Variants in SIAH2 observed in about 807,000 individuals in gnomAD.
SIAH2 encodes E3 ubiquitin-protein ligase SIAH2.
Under a neutral mutation model 20.4 loss-of-function variants are expected in SIAH2, and 4 were observed. The ratio of observed to expected loss-of-function variants is 0.20; its 90% CI spans 0.10 to 0.45. SIAH2 has a LOEUF of 0.45. SIAH2 is among the 20% of genes least tolerant of loss of function. SIAH2 has a pLI of 0.99. For missense variants in SIAH2, 259 were observed against 440.3 expected (o/e 0.59, Z 3.69); for synonymous variants, 171 against 192.5 (o/e 0.89, Z 0.93).
rs531425393 is a variant in SIAH2, at chr3:150,762,992, C to T, written c.-143G>A. On this transcript the variant is annotated 5_prime_UTR_variant, in exon 1 of 2. Transcript: ENST00000312960. The surrounding 1 kb of genome is among the most constrained non-coding windows in gnomAD (Gnocchi z 6.6). ...AGGTCCGGGCGGCGGAGACGCTCGG[C>T]GCCCGGCAGGCGGAGGGCTGGACCG... The T allele has an allele frequency of 3.7e-4, 356 of 962,344 alleles. 2 individuals carry two copies. In the African/African-American group the frequency reaches 5.8e-3, roughly 16 times the overall value. The allele number at this position is 962,344 out of a possible 1,614,324, so 59.6% of individuals were successfully genotyped here.
At chr3:150,757,601 A>T (rs750132143) in intron 1 of SIAH2, among the ~76,000 whole-genome samples, 1 of 152,006 alleles carries the variant, frequency 6.6e-6, no homozygotes, top group Non-Finnish European at 1.5e-5. Context: ...TGGCCTGGAG[A>T]CGTGGTGGTT....
At chr3:150,745,268 CACACACACA>C (rs2108117303) in intron 1 of SIAH2, among the ~76,000 whole-genome samples, 2 of 151,744 alleles carry the variant, frequency 1.3e-5, no homozygotes, top group African/African-American at 4.8e-5. Flanking sequence ...CACACACACA[CACACACACA>C]CCCCACATTT....
intron 1 of SIAH2, among the ~76,000 whole-genome samples, chr3:150,744,570 C>G (rs945917862): frequency 1.8e-4 from 27 of 152,056 alleles, no homozygotes; most frequent in African/African-American, 6.3e-4. Context: ...GAATACAGAG[C>G]CTCCTCATGT....
In SIAH2 at chr3:150,762,575, A is replaced by C. The variant is rs1714644165; in HGVS notation, c.275T>G (p.Leu92Arg). ...VCFDYVLPPILQCQAGHLVCN... is the reference protein window; with the variant it reads ...VCFDYVLPPIRQCQAGHLVCN... ...CACCAGGTGCCCGGCCTGGCACTGC[A>C]GAATAGGAGGCAGGACATAGTCAAA... The change falls in exon 1 of 2, where the codon CTG (leucine) becomes CGG (arginine). Residue 92 changes from leucine to arginine, a missense_variant. By Grantham distance (102) the Leu-to-Arg change is moderately radical. Transcript: ENST00000312960. This position sits in a 1 kb window ranked among gnomAD's most constrained non-coding sequence, Gnocchi z 6.6. The C allele has an allele frequency of 6.2e-7, 1 of 1,613,328 alleles. No individual in the cohort carries two copies. The highest frequency in any genetic ancestry group is 1.7e-5 in the Admixed American group (1 of 60,000).
chr3:150,751,159 C>T (rs570276443), intron 1 of SIAH2, among the ~76,000 whole-genome samples: 9 of 152,262 alleles, frequency 5.9e-5, no homozygotes, highest in South Asian at 2.1e-4. Context: ...AGGCCTGACA[C>T]GGTGGCTCAT....
intron 1 of SIAH2, among the ~76,000 whole-genome samples, chr3:150,751,448 A>G (rs1399777198): frequency 6.6e-6 from 1 of 152,070 alleles, no homozygotes; most frequent in Non-Finnish European, 1.5e-5. Context: ...AGAGAGAGAT[A>G]TCATCAACCA....
At chr3:150,755,896 C>T (rs1385293071) in intron 1 of SIAH2, among the ~76,000 whole-genome samples, 2 of 152,136 alleles carry the variant, frequency 1.3e-5, no homozygotes, top group African/African-American at 2.4e-5. Flanking sequence ...ATGATCTGCC[C>T]TCCTCAGCCT....
chr3:150,761,675 G>A (rs1444445505), intron 1 of SIAH2, among the ~76,000 whole-genome samples: 1 of 152,030 alleles, frequency 6.6e-6, no homozygotes, highest in African/African-American at 2.4e-5. Flanking sequence ...TTCTTGTCTT[G>A]GTGGCTTGCA....
rs1714642007 is a variant in SIAH2 at position 150,762,507 on chromosome 3, T to C, written c.343A>G (p.Arg115Gly). 2 of 1,613,518 alleles carry C rather than the reference T, an allele frequency of 1.2e-6. No homozygotes were observed. Among genetic ancestry groups the C allele is most frequent in the African/African-American group, 2.7e-5 (2 of 74,912 alleles). Residue 115 changes from arginine to glycine, a missense_variant, in exon 1 of 2, where the codon AGG (arginine) becomes GGG (glycine). Arg to Gly is a moderately radical substitution (Grantham distance 125). This residue lies in a region of SIAH2 where 160 missense variants were observed against 327.6 expected (regional missense o/e 0.49). Transcript: ENST00000312960. This position sits in a 1 kb window ranked among gnomAD's most constrained non-coding sequence, Gnocchi z 6.6. The stretch of plus-strand genomic sequence containing the variant: ...CTGATGCTGGGCGTCAGGGCGCCCC[T>C]GCACGTCGGGCAGCAGCTCAACTTC... Reference protein sequence around the residue: ...RQKLSCCPTCRGALTPSIRNL... With the variant: ...RQKLSCCPTCGGALTPSIRNL...
Position 150,742,243 on chromosome 3 carries a change from G to T in SIAH2, c.873C>A (p.Ile291=). 1 of 1,614,178 alleles carries T rather than the reference G, an allele frequency of 6.2e-7. No homozygotes were observed. Among genetic ancestry groups the T allele is most frequent in the Non-Finnish European group, 8.5e-7 (1 of 1,180,042 alleles). Residue 291 remains isoleucine (I), a synonymous_variant, in exon 2 of 2, where the codon ATC becomes ATA. Coordinates refer to ENST00000312960, the MANE Select transcript of SIAH2 (RefSeq NM_005067.7). The surrounding 1 kb of genome is among the most constrained non-coding windows in gnomAD (Gnocchi z 4.8). ...CGAAAACAAGGCAGTCGCTGTTCAT[G>T]ATGGCCGCAGCCACACCGTCATGAA... is the stretch of plus-strand genomic sequence containing the variant. ...RSIHDGVAAA[I]MNSDCLVFDT...
rs915627001 is a variant in SIAH2 at position 150,760,578 on chromosome 3, C to T, written c.417+1855G>A. 1.3e-5 allele frequency among the ~76,000 whole-genome samples: 2 copies of T among 152,228 alleles called. 1 individual carries two copies. The highest frequency in any genetic ancestry group is 1.3e-4 in the Admixed American group (2 of 15,284). On this transcript the variant is annotated intron_variant, in intron 1 of 1. Transcript: ENST00000312960. ...CTCCATATAGCATAACTGTTTCCTTCCCTTTCTCTTGGGAACAACACAATT... is the reference window on the plus strand; with the variant it reads ...CTCCATATAGCATAACTGTTTCCTTTCCTTTCTCTTGGGAACAACACAATT...
rs576872001 is a variant in SIAH2, at chr3:150,757,684, T to TA, written c.417+4748dup. On this transcript the variant is annotated intron_variant, in intron 1 of 1. Coordinates refer to ENST00000312960, the MANE Select transcript of SIAH2 (RefSeq NM_005067.7). Reference sequence around the variant, plus strand: ...AGAAAAAAAATCGAGATATTTAACATAAAAAAAAAATCCAGGCTGGGCACG... The same window carrying TA: ...AGAAAAAAAATCGAGATATTTAACATAAAAAAAAAAATCCAGGCTGGGCACG... Among the ~76,000 whole-genome samples the TA allele has an allele frequency of 1.8e-4, 26 of 148,102 alleles. No individual in the cohort carries two copies. The East Asian group carries it at 1.8e-3, about 10-fold the overall frequency.
At chr3:150,752,628 T>A (rs1326786349) in intron 1 of SIAH2, among the ~76,000 whole-genome samples, 1 of 151,932 alleles carries the variant, frequency 6.6e-6, no homozygotes, top group Non-Finnish European at 1.5e-5. Context: ...AAAAAAAAAT[T>A]ATCAAATAAA....
intron 1 of SIAH2, among the ~76,000 whole-genome samples, chr3:150,747,383 G>A (rs1175943294): frequency 6.6e-6 from 1 of 152,222 alleles, no homozygotes; most frequent in African/African-American, 2.4e-5. Flanking sequence ...CCCACAAAAT[G>A]TGAAAAGGTC....
intron 1 of SIAH2, among the ~76,000 whole-genome samples, chr3:150,759,471 G>C (rs1007567995): frequency 6.6e-6 from 1 of 152,158 alleles, no homozygotes; most frequent in Non-Finnish European, 1.5e-5. Flanking sequence ...GGCCCATCTG[G>C]TGAACTCATC....
At chr3:150,757,406 C>G (rs929131457) in intron 1 of SIAH2, among the ~76,000 whole-genome samples, 10 of 152,062 alleles carry the variant, frequency 6.6e-5, no homozygotes, top group Non-Finnish European at 1.5e-4. Context: ...TTCCTGATGG[C>G]CAGAAAATAA....
At chr3:150,754,373 C>T (rs61628582) in intron 1 of SIAH2, among the ~76,000 whole-genome samples, 14,273 of 152,078 alleles carry the variant, frequency 0.094, 1,303 homozygotes, top group East Asian at 0.34. Flanking sequence ...CTTCACACTT[C>T]TTAAATAACC....
At chr3:150,743,211 G>A (rs1299301051) in intron 1 of SIAH2, among the ~76,000 whole-genome samples, 10 of 152,252 alleles carry the variant, frequency 6.6e-5, no homozygotes, top group African/African-American at 2.4e-4. Context: ...CAGGCAGGCC[G>A]TGGGGAAGGC....
chr3:150,745,930 A>G (rs1051587181), intron 1 of SIAH2, among the ~76,000 whole-genome samples: 2 of 152,240 alleles, frequency 1.3e-5, no homozygotes, highest in African/African-American at 4.8e-5. Context: ...AAGACCATAT[A>G]ATAAATTTAA....
Sources: allele counts gnomAD v4.1 joint callset (sites outside exome capture counted in the v4.1 genomes callset), GRCh38; gene constraint gnomAD v4.1.1; regional missense constraint gnomAD v4.1.1; non-coding constraint Gnocchi (gnomAD v3.1); transcripts MANE v1.5; gene names NCBI Gene and HGNC (gene_info 2026-07-23, HGNC 2026-07-21).